Variants in STARD13 observed in about 807,000 individuals in gnomAD.
STARD13 encodes StAR related lipid transfer domain containing 13, also known as stAR-related lipid transfer protein 13.
STARD13 carries 62 observed loss-of-function variants against 106.4 expected under a neutral mutation model. The ratio of observed to expected loss-of-function variants is 0.58; its 90% CI spans 0.48 to 0.72. The LOEUF is 0.72. STARD13 is among the 30% of genes least tolerant of loss of function. The pLI, the probability that STARD13 is intolerant of heterozygous loss-of-function variation, is 0.00. For synonymous variants in STARD13, 565 were observed against 553.0 expected (o/e 1.02, Z -0.31); for missense variants, 1,387 against 1,424.0 (o/e 0.97, Z 0.42).
chr13:33,611,046 C>T, the STARD13 span: 1 of 152,234 alleles, frequency 6.6e-6, no homozygotes, highest in Non-Finnish European at 1.5e-5. Context: ...ACAGCAACAT[C>T]CTCAGAAATC....
chr13:33,274,541 C>A (rs761178403), intron 1 of STARD13, among the ~76,000 whole-genome samples: 57 of 152,160 alleles, frequency 3.7e-4, no homozygotes, highest in Non-Finnish European at 6.9e-4. Context: ...CAAAGCATTA[C>A]CATGTTTTAT....
At chr13:33,673,701 C>G in the STARD13 span, among the ~76,000 whole-genome samples, 3 of 151,594 alleles carry the variant, frequency 2.0e-5, no homozygotes, top group Non-Finnish European at 4.4e-5. Flanking sequence ...CACCACCACA[C>G]CCAGCTAATT....
the STARD13 span, among the ~76,000 whole-genome samples, chr13:33,528,247 T>TATATAC: frequency 1.5e-5 from 2 of 131,888 alleles, no homozygotes; most frequent in African/African-American, 6.7e-5. Context: ...TATATACATA[T>TATATAC]ATATATATAC....
chr13:33,408,217 G>A, the STARD13 span, among the ~76,000 whole-genome samples: 1 of 152,146 alleles, frequency 6.6e-6, no homozygotes, highest in South Asian at 2.1e-4. Flanking sequence ...GTTCAGTGGT[G>A]TTAAGTATAC....
the STARD13 span, among the ~76,000 whole-genome samples, chr13:33,576,094 T>G: frequency 6.6e-6 from 1 of 152,240 alleles, no homozygotes; most frequent in African/African-American, 2.4e-5. Flanking sequence ...GCAATATTAC[T>G]CATTAACTCT....
the STARD13 span, among the ~76,000 whole-genome samples, chr13:33,380,471 A>AC: frequency 8.9e-5 from 6 of 67,454 alleles, no homozygotes; most frequent in Admixed American, 9.4e-4. Context: ...ACACACCCCC[A>AC]CCCCCCACCC....
At chr13:33,263,126 A>G (rs764566627) in intron 1 of STARD13, among the ~76,000 whole-genome samples, 4 of 152,178 alleles carry the variant, frequency 2.6e-5, no homozygotes, top group Non-Finnish European at 4.4e-5. Flanking sequence ...CCTGTAAAGT[A>G]GCGTTTCTCA....
intron 1 of STARD13, among the ~76,000 whole-genome samples, chr13:33,167,877 A>T (rs1883511141): frequency 6.6e-6 from 1 of 152,184 alleles, no homozygotes; most frequent in Admixed American, 6.5e-5. Flanking sequence ...AAAACCACAG[A>T]TCATAGAAGA....
chr13:33,380,432 A>G, the STARD13 span, among the ~76,000 whole-genome samples: 1 of 149,356 alleles, frequency 6.7e-6, no homozygotes, highest in Admixed American at 6.7e-5. Context: ...AAAAAAAAAA[A>G]GGTGGAGAAT....
At chr13:33,281,169 T>G (rs1370356946) in intron 1 of STARD13, 3 of 152,036 alleles carry the variant, frequency 2.0e-5, no homozygotes, top group Admixed American at 2.0e-4. Flanking sequence ...CATTGTCTCA[T>G]CAAAAACCAA....
At chr13:33,451,665 CA>C in the STARD13 span, among the ~76,000 whole-genome samples, 3 of 152,012 alleles carry the variant, frequency 2.0e-5, no homozygotes, top group Admixed American at 2.0e-4. Flanking sequence ...TGTGGAATAT[CA>C]ATGATGTTTT....
At chr13:33,343,933 C>G (rs1213169434), downstream of STARD13, among the ~76,000 whole-genome samples, 3 of 152,132 alleles carry the variant, frequency 2.0e-5, no homozygotes, top group Non-Finnish European at 4.4e-5. Context: ...ATTCTCCAGG[C>G]ACGACTGATC....
chr13:33,337,541 T>C (rs2077910423), intron 1 of STARD13, among the ~76,000 whole-genome samples: 1 of 152,236 alleles, frequency 6.6e-6, no homozygotes. Flanking sequence ...GTCATATTAT[T>C]GCCTTACTTT....
chr13:33,532,576 A>G, the STARD13 span, among the ~76,000 whole-genome samples: 2 of 152,110 alleles, frequency 1.3e-5, no homozygotes, highest in South Asian at 2.1e-4. Flanking sequence ...AAATTTTTCT[A>G]TCTTGAAGTC....
the STARD13 span, among the ~76,000 whole-genome samples, chr13:33,642,991 T>A: frequency 8.4e-3 from 1,285 of 152,224 alleles, 16 homozygotes; most frequent in African/African-American, 0.03. Flanking sequence ...GCAATCGCCC[T>A]GCAATGAAGG....
chr13:33,404,902 G>A, the STARD13 span, among the ~76,000 whole-genome samples: 5 of 151,600 alleles, frequency 3.3e-5, no homozygotes, highest in South Asian at 2.1e-4. Context: ...TCAGCCTCTC[G>A]AGGAGCTGGG....
the STARD13 span, among the ~76,000 whole-genome samples, chr13:33,432,647 G>T: frequency 1.3e-5 from 2 of 152,168 alleles, no homozygotes; most frequent in Non-Finnish European, 2.9e-5. Context: ...AAATCACAAT[G>T]AAGATAATGG....
chr13:33,130,391 C>T lies in STARD13; in HGVS notation c.388-102G>A. ...CCTGTGTGGTCCTCCACCTCCCTCCCCTCTGTCCTCCCATGCACAGGTGTG... is the reference window on the plus strand; with the variant it reads ...CCTGTGTGGTCCTCCACCTCCCTCCTCTCTGTCCTCCCATGCACAGGTGTG... On this transcript the variant is annotated intron_variant, in intron 4 of 13. Transcript: ENST00000336934. The surrounding 1 kb of genome is among the most constrained non-coding windows in gnomAD (Gnocchi z 4.1). 8.9e-7 allele frequency: 1 copy of T among 1,120,692 alleles called. No individual in the cohort carries two copies. Among genetic ancestry groups the T allele is most frequent in the Non-Finnish European group, 1.3e-6 (1 of 784,088 alleles). The allele number at this position is 1,120,692 out of a possible 1,614,324, so 69.4% of individuals were successfully genotyped here.
chr13:33,624,731 T>G, the STARD13 span, among the ~76,000 whole-genome samples: 1 of 152,210 alleles, frequency 6.6e-6, no homozygotes, highest in Non-Finnish European at 1.5e-5. Flanking sequence ...TGTAGGTAAT[T>G]GGATAAAGTT....
Sources: allele counts gnomAD v4.1 joint callset (sites outside exome capture counted in the v4.1 genomes callset), GRCh38; gene constraint gnomAD v4.1.1; non-coding constraint Gnocchi (gnomAD v3.1); transcripts MANE v1.5; gene names NCBI Gene and HGNC (gene_info 2026-07-23, HGNC 2026-07-21).